The following BCHE variants were observed in gnomAD, a reference collection of about 807,000 sequenced individuals.
BCHE encodes cholinesterase.
In BCHE, 48 loss-of-function variants were observed where a neutral mutation model predicts 51.3. The observed-to-expected ratio is 0.94, with a 90% CI of 0.74 to 1.19. The LOEUF (loss-of-function observed/expected upper bound fraction) is 1.19. BCHE is among the 50% of genes most tolerant of loss of function. The probability of loss-of-function intolerance (pLI) is 0.00; values close to 1 mark genes in which losing one functional copy is unlikely to be tolerated. For synonymous variants in BCHE, 251 were observed against 238.0 expected (o/e 1.05, Z -0.50); for missense variants, 847 against 708.2 (o/e 1.20, Z -2.23).
At position 165,830,774 on chromosome 3, in the gene BCHE, G is replaced by A. The variant is rs1265179592; in HGVS notation, c.260C>T (p.Thr87Ile). 2 of 1,613,568 alleles carry A rather than the reference G, an allele frequency of 1.2e-6. No individual in the cohort carries two copies. Among genetic ancestry groups the A allele is most frequent in the African/African-American group, 2.7e-5 (2 of 74,842 alleles). Residue 87 changes from threonine (T) to isoleucine (I), a missense_variant, in exon 2 of 4, where the codon ACA (threonine) becomes ATA (isoleucine). Transcript: ENST00000264381. ...CTGACAGCAAGAATTTGCATATTTT[G>A]TGGCATTCCAAATATCAGACCACTT... ...LTKWSDIWNA[T>I]KYANSCCQNI...
chr3:165,795,454 G>A lies in BCHE; in HGVS notation c.1518-9143C>T, dbSNP rs534983905. 3.3e-5 allele frequency among the ~76,000 whole-genome samples: 5 copies of A among 152,254 alleles called. No homozygotes were observed. In the East Asian group the frequency reaches 9.6e-4, roughly 29 times the overall value. ...AGAAAAAATTAGTTACCAAAGCAAT[G>A]TGAACTGTATAATAATGCAGCTGTG... On this transcript the variant is annotated intron_variant, in intron 2 of 3. Coordinates refer to ENST00000264381, the MANE Select transcript of BCHE (RefSeq NM_000055.4).
intron 2 of BCHE, among the ~76,000 whole-genome samples, chr3:165,797,455 C>T (rs1205052445): frequency 6.7e-6 from 1 of 149,404 alleles, no homozygotes; most frequent in Non-Finnish European, 1.5e-5. Flanking sequence ...TGTGAAGATG[C>T]ATTATGTTTG....
At chr3:165,795,826 A>G (rs1403164199) in intron 2 of BCHE, among the ~76,000 whole-genome samples, 3 of 152,152 alleles carry the variant, frequency 2.0e-5, no homozygotes, top group African/African-American at 7.2e-5. Flanking sequence ...ATGGCCAAGT[A>G]GCTTATTAAA....
intron 3 of BCHE, chr3:165,778,249 T>TAAAA: frequency 6.6e-6 from 1 of 152,410 alleles, no homozygotes; most frequent in East Asian, 1.9e-4. Flanking sequence ...ATAAAATAAA[T>TAAAA]ATAAGAGAAG....
intron 2 of BCHE, among the ~76,000 whole-genome samples, chr3:165,815,909 C>T (rs1299174702): frequency 6.6e-6 from 1 of 151,798 alleles, no homozygotes; most frequent in Non-Finnish European, 1.5e-5. Flanking sequence ...GTTATTTTCC[C>T]CCGCTTTCTT....
At chr3:165,784,923 C>T (rs115826069) in intron 3 of BCHE, among the ~76,000 whole-genome samples, 4 of 151,656 alleles carry the variant, frequency 2.6e-5, no homozygotes, top group Non-Finnish European at 5.9e-5. Context: ...GTTACCTCAT[C>T]GTTATTTACA....
intron 2 of BCHE, among the ~76,000 whole-genome samples, chr3:165,789,001 A>G (rs559349067): frequency 2.6e-5 from 4 of 152,308 alleles, no homozygotes; most frequent in Admixed American, 1.3e-4. Context: ...GTGAAATACA[A>G]CATATTTCCA....
chr3:165,812,902 C>G (rs980156695), intron 2 of BCHE, among the ~76,000 whole-genome samples: 10 of 151,908 alleles, frequency 6.6e-5, no homozygotes, highest in African/African-American at 2.4e-4. Context: ...AGCATTAGTT[C>G]TTCCAGAATT....
intron 2 of BCHE, among the ~76,000 whole-genome samples, chr3:165,808,232 G>T (rs1231140781): frequency 6.6e-6 from 1 of 151,902 alleles, no homozygotes; most frequent in African/African-American, 2.4e-5. Flanking sequence ...TGATCAGCCC[G>T]CTTCTGCCTC....
intron 2 of BCHE, among the ~76,000 whole-genome samples, chr3:165,819,755 T>C (rs1714444718): frequency 6.6e-6 from 1 of 152,124 alleles, no homozygotes; most frequent in Non-Finnish European, 1.5e-5. Flanking sequence ...AAATAATCAT[T>C]AGCCTGAGTC....
chr3:165,827,569 G>A (rs987791198), intron 2 of BCHE, among the ~76,000 whole-genome samples: 6 of 151,724 alleles, frequency 4.0e-5, no homozygotes, highest in African/African-American at 1.5e-4. Flanking sequence ...TCTCCATTGT[G>A]AAATGAGAAA....
intron 2 of BCHE, among the ~76,000 whole-genome samples, chr3:165,810,997 A>G (rs1714071933): frequency 6.6e-6 from 1 of 152,142 alleles, no homozygotes; most frequent in Non-Finnish European, 1.5e-5. Flanking sequence ...TTGGAGTTAT[A>G]CGTTAAATTG....
At chr3:165,833,518 CTATAT>C (rs1368931670) in intron 1 of BCHE, among the ~76,000 whole-genome samples, 1 of 152,046 alleles carries the variant, frequency 6.6e-6, no homozygotes, top group Non-Finnish European at 1.5e-5. Flanking sequence ...AGTGAAAATA[CTATAT>C]TATAATTGTA....
Position 165,773,343 on chromosome 3 carries a change from C to T in BCHE, c.*39G>A. 1.3e-6 allele frequency: 2 copies of T among 1,587,128 alleles called. No individual in the cohort carries two copies. The highest frequency in any genetic ancestry group is 1.3e-5 in the African/African-American group (1 of 74,238). ...AAGCTCCTGATATTTTTGCCTTGAT[C>T]TAAAGGAAAATATGTTCTATAAAGG... On this transcript the variant is annotated 3_prime_UTR_variant, in exon 4 of 4. Transcript: ENST00000264381.
At chr3:165,833,244 G>T (rs947820862) in intron 1 of BCHE, among the ~76,000 whole-genome samples, 2 of 151,802 alleles carry the variant, frequency 1.3e-5, no homozygotes, top group African/African-American at 4.8e-5. Context: ...TATAATTTAG[G>T]TACTATTATA....
chr3:165,813,437 T>A (rs770592176), intron 2 of BCHE, among the ~76,000 whole-genome samples: 30 of 151,716 alleles, frequency 2.0e-4, no homozygotes, highest in Admixed American at 6.6e-4. Context: ...TGATTATGTG[T>A]CTATATCTAA....
intron 2 of BCHE, among the ~76,000 whole-genome samples, chr3:165,809,104 T>A (rs1713981049): frequency 6.6e-6 from 1 of 152,168 alleles, no homozygotes; most frequent in Non-Finnish European, 1.5e-5. Flanking sequence ...TATGTATTTC[T>A]CAAAATATTA....
At chr3:165,779,728 A>C (rs1304991185) in intron 3 of BCHE, among the ~76,000 whole-genome samples, 2 of 152,196 alleles carry the variant, frequency 1.3e-5, no homozygotes, top group Non-Finnish European at 2.9e-5. Context: ...GACCTCTTCA[A>C]GGAGAACTAC....
At chr3:165,784,256 C>T (rs1211348458) in intron 3 of BCHE, among the ~76,000 whole-genome samples, 1 of 151,828 alleles carries the variant, frequency 6.6e-6, no homozygotes, top group Non-Finnish European at 1.5e-5. Context: ...GGCCCTTAAT[C>T]TTTTTAATCT....
Sources: gnomAD v4.1 joint callset for allele counts (sites outside exome capture counted in the v4.1 genomes callset) on GRCh38, gnomAD v4.1.1 for gene constraint, MANE v1.5 for transcripts, NCBI Gene and HGNC (gene_info 2026-07-23, HGNC 2026-07-21) for gene names.